Variants in MAD1L1 observed in about 807,000 individuals in gnomAD.
The protein encoded by MAD1L1 is mitotic arrest deficient 1 like 1, also known as mitotic spindle assembly checkpoint protein MAD1.
Under a neutral mutation model 96.9 loss-of-function variants are expected in MAD1L1, and 95 were observed. The ratio of observed to expected loss-of-function variants is 0.98; its 90% CI spans 0.83 to 1.16. The LOEUF is 1.16. MAD1L1 is among the 50% of genes most tolerant of loss of function. The pLI, the probability that MAD1L1 is intolerant of heterozygous loss-of-function variation, is 0.00. For missense variants in MAD1L1, 1,007 were observed against 954.4 expected (o/e 1.06, Z -0.73); for synonymous variants, 473 against 396.6 (o/e 1.19, Z -2.29).
intron 17 of MAD1L1, among the ~76,000 whole-genome samples, chr7:1,935,114 C>T (rs939825011): frequency 4.6e-5 from 7 of 152,266 alleles, no homozygotes; most frequent in African/African-American, 1.2e-4. Context: ...AGGCCCGTGA[C>T]AGCAGGGGAT....
At chr7:1,988,380 A>G (rs541849401) in intron 14 of MAD1L1, among the ~76,000 whole-genome samples, 2 of 152,282 alleles carry the variant, frequency 1.3e-5, no homozygotes, top group African/African-American at 4.8e-5. Flanking sequence ...CAGGGACCTG[A>G]GGCCCAGGCA....
chr7:2,057,733 G>A (rs946054105), intron 12 of MAD1L1, among the ~76,000 whole-genome samples: 7 of 152,152 alleles, frequency 4.6e-5, no homozygotes, highest in Non-Finnish European at 8.8e-5. Context: ...AAAACAACCC[G>A]CATCAAAATT....
At chr7:2,218,996 G>A (rs1044097879) in intron 6 of MAD1L1, among the ~76,000 whole-genome samples, 2 of 152,134 alleles carry the variant, frequency 1.3e-5, no homozygotes, top group Non-Finnish European at 2.9e-5. Context: ...GGAGGTTGAG[G>A]CTACAGTGAG....
intron 18 of MAD1L1, among the ~76,000 whole-genome samples, chr7:1,831,494 T>G (rs1333325629): frequency 6.6e-6 from 1 of 152,138 alleles, no homozygotes; most frequent in African/African-American, 2.4e-5. Context: ...GGCTTCTAGG[T>G]GTTCAAGTGA....
Position 2,135,704 on chromosome 7 carries a change from G to A in MAD1L1, c.1073+13448C>T, listed in dbSNP as rs11983632. ...CTCGGGACAATGCCCACCAGCTCTC[G>A]CCACCTCTCACGGCCACATATGGGA... is the stretch of plus-strand genomic sequence containing the variant. On this transcript the variant is annotated intron_variant, in intron 11 of 18. Transcript: ENST00000265854. Among the ~76,000 whole-genome samples the A allele has an allele frequency of 4.8e-3, 725 of 152,242 alleles. 11 individuals carry two copies. Among genetic ancestry groups the A allele is most frequent in the African/African-American group, 0.016 (683 of 41,548 alleles).
chr7:2,215,503 G>C (rs1370561802), intron 9 of MAD1L1, among the ~76,000 whole-genome samples: 1 of 152,098 alleles, frequency 6.6e-6, no homozygotes, highest in African/African-American at 2.4e-5. Context: ...GCAGATTCCA[G>C]GGGACAGTCC....
At chr7:1,912,174 G>C (rs1377594278) in intron 17 of MAD1L1, among the ~76,000 whole-genome samples, 1 of 152,220 alleles carries the variant, frequency 6.6e-6, no homozygotes, top group African/African-American at 2.4e-5. Context: ...CCTGCGTGCG[G>C]GTACAGACCC....
intron 11 of MAD1L1, among the ~76,000 whole-genome samples, chr7:2,071,920 C>CAA (rs201517036): frequency 1.4e-4 from 22 of 152,118 alleles, no homozygotes; most frequent in African/African-American, 3.9e-4. Context: ...AGGGCACGGA[C>CAA]GCTCTGCACC....
At chr7:1,865,873 G>A (rs908107344) in intron 18 of MAD1L1, among the ~76,000 whole-genome samples, 2 of 152,238 alleles carry the variant, frequency 1.3e-5, no homozygotes, top group Non-Finnish European at 2.9e-5. Context: ...GGCTCCACGA[G>A]CCAGATGACA....
chr7:2,098,334 A>G (rs1274344493), intron 11 of MAD1L1, among the ~76,000 whole-genome samples: 1 of 152,186 alleles, frequency 6.6e-6, no homozygotes, highest in Non-Finnish European at 1.5e-5. Flanking sequence ...CCTGCGCAGC[A>G]CACGCCACGG....
intron 18 of MAD1L1, chr7:1,849,270 C>T (rs989695609): frequency 6.6e-6 from 1 of 152,234 alleles, no homozygotes; most frequent in African/African-American, 2.4e-5. Flanking sequence ...TCATCCATGT[C>T]CTCGTTATTG....
chr7:2,206,662 AGTGTCTCAATTTATGCAATTTACAAC>A (rs1792611493), intron 10 of MAD1L1, among the ~76,000 whole-genome samples: 1 of 152,208 alleles, frequency 6.6e-6, no homozygotes, highest in South Asian at 2.1e-4. Flanking sequence ...TTAATACCAC[AGTGTCTCAATTTATGCAATTTACAAC>A]GTGTCTTGAA....
intron 18 of MAD1L1, among the ~76,000 whole-genome samples, chr7:1,888,495 T>C (rs1786313252): frequency 6.6e-6 from 1 of 151,888 alleles, no homozygotes. Context: ...CATGCATGTA[T>C]GTGGCTGCCT....
chr7:2,129,112 C>T (rs1292544108), intron 11 of MAD1L1, among the ~76,000 whole-genome samples: 5 of 152,134 alleles, frequency 3.3e-5, no homozygotes, highest in Admixed American at 3.3e-4. Flanking sequence ...CCTTCCAGTC[C>T]CAGAGCCAGC....
At chr7:2,150,151 T>C (rs111367747) in intron 10 of MAD1L1, among the ~76,000 whole-genome samples, 150 of 152,212 alleles carry the variant, frequency 9.9e-4, no homozygotes, top group Admixed American at 3.2e-3. Flanking sequence ...GACCCCGACA[T>C]TGGCCAAGGA....
At position 2,161,724 on chromosome 7, in the gene MAD1L1, C is replaced by T. The variant is rs532086571; in HGVS notation, c.987-12486G>A. 3.4e-4 allele frequency among the ~76,000 whole-genome samples: 51 copies of T among 151,868 alleles called. 1 individual carries two copies. In the South Asian group the frequency reaches 0.011, roughly 32 times the overall value. On this transcript the variant is annotated intron_variant, in intron 10 of 18. Coordinates refer to ENST00000265854, the MANE Select transcript of MAD1L1 (RefSeq NM_001013836.2). ...GAGCGCCTCTGCCCCGCCGCCCCGT[C>T]TGGGATGTGAAGAGCGCCTCTGCCT...
intron 18 of MAD1L1, among the ~76,000 whole-genome samples, chr7:1,824,753 T>G (rs557444856): frequency 3.6e-4 from 54 of 152,100 alleles, no homozygotes; most frequent in African/African-American, 1.2e-3. Flanking sequence ...AAGGGGAGAT[T>G]TTTTTTTGTC....
chr7:1,854,324 C>T (rs752709533), intron 18 of MAD1L1: 10 of 461,662 alleles, frequency 2.2e-5, no homozygotes, highest in African/African-American at 7.9e-5. Context: ...TCCTGGGCCC[C>T]GGCAGCTCGT....
rs1023493763 is a variant in MAD1L1, at chr7:1,968,092, C to T, written c.1506-10373G>A. On this transcript the variant is annotated intron_variant, in intron 15 of 18. Transcript: ENST00000265854. The surrounding 1 kb of genome is among the most constrained non-coding windows in gnomAD (Gnocchi z 5.6). Reference sequence around the variant, plus strand: ...CACATCATACATGTAGAACTCATCCCTCCAGAGGGGGAGCGTCGCCTGTGC... The same window carrying T: ...CACATCATACATGTAGAACTCATCCTTCCAGAGGGGGAGCGTCGCCTGTGC... Among the ~76,000 whole-genome samples the T allele has an allele frequency of 1.3e-5, 2 of 152,258 alleles. No homozygotes were observed. Among genetic ancestry groups the T allele is most frequent in the Admixed American group, 1.3e-4 (2 of 15,294 alleles).
Sources: gnomAD v4.1 joint callset for allele counts (sites outside exome capture counted in the v4.1 genomes callset) on GRCh38, gnomAD v4.1.1 for gene constraint, Gnocchi (gnomAD v3.1) non-coding constraint, MANE v1.5 for transcripts, NCBI Gene and HGNC (gene_info 2026-07-23, HGNC 2026-07-21) for gene names.